The following DYDC2 variants were observed in gnomAD, a reference collection of about 807,000 sequenced individuals.
DYDC2 encodes DPY30 domain containing 2, also known as DPY30 domain-containing protein 2.
A neutral mutation model predicts 18.7 loss-of-function variants in DYDC2; 19 were observed. The ratio of observed to expected loss-of-function variants is 1.02; its 90% CI spans 0.71 to 1.49. DYDC2 has a LOEUF of 1.49. Ranked by LOEUF, DYDC2 falls within the 40% of genes most tolerant of loss-of-function variation. The probability of loss-of-function intolerance (pLI) is 0.00; values close to 1 mark genes in which losing one functional copy is unlikely to be tolerated. For missense variants in DYDC2, 179 were observed against 205.1 expected, an observed-to-expected ratio of 0.87 and a Z score of 0.78; for synonymous variants, 63 against 67.6, an observed-to-expected ratio of 0.93 and a Z score of 0.34.
rs1415941474 is a variant in DYDC2 at position 80,367,566 on chromosome 10, G to A, written c.*615G>A. On this transcript the variant is annotated 3_prime_UTR_variant, in exon 5 of 5. Transcript: ENST00000256039. ...TCTGGACACATTACAAAGGCCACAAGGGGTTTTATCCTGGACCCCGGACAT... is the reference window on the plus strand; with the variant it reads ...TCTGGACACATTACAAAGGCCACAAAGGGTTTTATCCTGGACCCCGGACAT... The A allele has an allele frequency of 1.3e-5, 2 of 152,190 alleles. No individual in the cohort carries two copies. The highest frequency in any genetic ancestry group is 2.9e-5 in the Non-Finnish European group (2 of 68,058). The allele number at this position is 152,190 out of a possible 1,614,324, so 9.4% of individuals were successfully genotyped here. A position where few individuals can be genotyped will look rare whatever the true frequency, so the allele number is the denominator to read the frequency against.
intron 1 of DYDC2, among the ~76,000 whole-genome samples, chr10:80,357,144 G>C (rs2132873530): frequency 6.8e-6 from 1 of 147,940 alleles, no homozygotes; most frequent in African/African-American, 2.5e-5. Context: ...GTGTGCAGGA[G>C]GGAGAGCGCG....
At chr10:80,360,181 C>A (rs1290091011) in intron 2 of DYDC2, among the ~76,000 whole-genome samples, 1 of 152,244 alleles carries the variant, frequency 6.6e-6, no homozygotes, top group Non-Finnish European at 1.5e-5. Context: ...TGTCCCCACC[C>A]TCCATCACTA....
chr10:80,354,142 A>G (rs115521848), upstream of DYDC2, among the ~76,000 whole-genome samples: 3,333 of 149,180 alleles, frequency 0.022, 48 homozygotes, highest in Non-Finnish European at 0.033. Context: ...ATATATATAT[A>G]TATTTTTTCC....
chr10:80,360,614 G>A (rs1843635166), intron 2 of DYDC2, among the ~76,000 whole-genome samples: 1 of 151,986 alleles, frequency 6.6e-6, no homozygotes, highest in Non-Finnish European at 1.5e-5. Context: ...CCTAGAACAA[G>A]GACATTCTCT....
intron 2 of DYDC2, among the ~76,000 whole-genome samples, chr10:80,358,557 TG>T (rs1843537496): frequency 6.6e-6 from 1 of 152,208 alleles, no homozygotes; most frequent in Non-Finnish European, 1.5e-5. Context: ...CAATACGGCT[TG>T]CCACATGTAA....
At chr10:80,365,435 G>A (rs1346344536) in intron 4 of DYDC2, among the ~76,000 whole-genome samples, 1 of 152,198 alleles carries the variant, frequency 6.6e-6, no homozygotes, top group African/African-American at 2.4e-5. Context: ...GAAAACTATT[G>A]TTTATAAAGA....
At chr10:80,358,776 T>TG (rs1401299603) in intron 2 of DYDC2, among the ~76,000 whole-genome samples, 2 of 152,216 alleles carry the variant, frequency 1.3e-5, no homozygotes, top group Non-Finnish European at 2.9e-5. Context: ...GGTGGGTTCT[T>TG]GGTCTCACTG....
upstream of DYDC2, chr10:80,352,657 G>A: frequency 6.4e-7 from 1 of 1,559,610 alleles, no homozygotes; most frequent in Non-Finnish European, 8.7e-7. Context: ...TTTCAATAAA[G>A]TCACTATAAA....
At chr10:80,361,794 C>T (rs767304807) in intron 2 of DYDC2, among the ~76,000 whole-genome samples, 4 of 152,148 alleles carry the variant, frequency 2.6e-5, no homozygotes, top group African/African-American at 4.8e-5. Context: ...CTGTCCCCAA[C>T]GATTGTATTT....
At chr10:80,355,087 A>G (rs1843276912), upstream of DYDC2, among the ~76,000 whole-genome samples, 1 of 148,260 alleles carries the variant, frequency 6.7e-6, no homozygotes, top group African/African-American at 2.5e-5. Flanking sequence ...AGCTAAGCTT[A>G]CATTTACTGA....
Position 80,359,526 on chromosome 10 carries a change from G to A in DYDC2, c.-10+1481G>A, listed in dbSNP as rs1843595277. 2.6e-5 allele frequency among the ~76,000 whole-genome samples: 4 copies of A among 152,186 alleles called. No homozygotes were observed. The South Asian group carries it at 6.2e-4, about 24-fold the overall frequency. On this transcript the variant is annotated intron_variant, in intron 2 of 4. Transcript: ENST00000256039. ...TCCTCAGCCCTTGGGCGGTCGATGG[G>A]ACCGGGCACCGCGGAGCAGTGGGTG...
intron 2 of DYDC2, among the ~76,000 whole-genome samples, chr10:80,361,281 T>C (rs1032499215): frequency 5.3e-5 from 8 of 152,182 alleles, no homozygotes; most frequent in African/African-American, 9.7e-5. Flanking sequence ...TCCACGGAAA[T>C]GTTTTATGTA....
rs528733787 is a variant in DYDC2 at position 80,360,176 on chromosome 10, C to T, written c.-10+2131C>T. 1.3e-3 allele frequency among the ~76,000 whole-genome samples: 196 copies of T among 152,332 alleles called. 1 individual carries two copies. The highest frequency in any genetic ancestry group is 3.4e-3 in the Middle Eastern group (1 of 294). ...CAGGAGACACCACCCACCTCTGTCCCCACCCTCCATCACTACCCCACTCAA... is the reference window on the plus strand; with the variant it reads ...CAGGAGACACCACCCACCTCTGTCCTCACCCTCCATCACTACCCCACTCAA... On this transcript the variant is annotated intron_variant, in intron 2 of 4. Transcript: ENST00000256039.
intron 2 of DYDC2, among the ~76,000 whole-genome samples, chr10:80,359,074 C>G (rs971213834): frequency 6.6e-6 from 1 of 152,222 alleles, no homozygotes; most frequent in Admixed American, 6.5e-5. Flanking sequence ...GCTGCTGGCT[C>G]AGGCAGCCTG....
chr10:80,358,949 A>G (rs537813306), intron 2 of DYDC2, among the ~76,000 whole-genome samples: 2 of 152,284 alleles, frequency 1.3e-5, no homozygotes, highest in East Asian at 1.9e-4. Flanking sequence ...CTTTGCAGTG[A>G]GTGTTACAGC....
chr10:80,352,320 T>C (rs2132836836), upstream of DYDC2: 1 of 1,261,636 alleles, frequency 7.9e-7, no homozygotes, highest in East Asian at 2.8e-5. Context: ...CTTCCTGCTT[T>C]TCATGTTGTT....
At chr10:80,358,143 GGAGGTGGGCGGATCACCT>G (rs1843500359) in intron 2 of DYDC2, 98 bp downstream of exon 2, 1 of 821,836 alleles carries the variant, frequency 1.2e-6, no homozygotes, top group Admixed American at 6.2e-5. Context: ...TTTGGGAGGC[GGAGGTGGGCGGATCACCT>G]GAGGTGAGGA....
chr10:80,346,920 CA>C (rs981136001), intron 1 of DYDC2, among the ~76,000 whole-genome samples: 9 of 146,814 alleles, frequency 6.1e-5, no homozygotes, highest in South Asian at 2.2e-4. Context: ...ACTAAAAATA[CA>C]AAAAAAAAAT....
chr10:80,362,871 T>C, intron 3 of DYDC2, 80 bp from the exon 4 acceptor site: 1 of 1,545,776 alleles, frequency 6.5e-7, no homozygotes, highest in Non-Finnish European at 8.7e-7. Flanking sequence ...CCACAGCCCA[T>C]ATCAGTCCCC....
Sources: gnomAD v4.1 joint callset for allele counts (sites outside exome capture counted in the v4.1 genomes callset) on GRCh38, gnomAD v4.1.1 for gene constraint, MANE v1.5 for transcripts, NCBI Gene and HGNC (gene_info 2026-07-23, HGNC 2026-07-21) for gene names.